The following PPARGC1B variants were observed in gnomAD, a reference collection of about 807,000 sequenced individuals.
The protein encoded by PPARGC1B is PPARG coactivator 1 beta, also known as peroxisome proliferator-activated receptor gamma coactivator 1-beta.
Under a neutral mutation model 101.6 loss-of-function variants are expected in PPARGC1B, and 34 were observed. The ratio of observed to expected loss-of-function variants is 0.33; its 90% CI spans 0.25 to 0.45. The LOEUF is 0.45. Among genes scored for constraint, PPARGC1B ranks in the 20% least tolerant of loss-of-function variants. The pLI is 1.00. For synonymous variants in PPARGC1B, 548 were observed against 539.3 expected (o/e 1.02, Z -0.22); for missense variants, 1,234 against 1,317.6 (o/e 0.94, Z 0.98).
intron 1 of PPARGC1B, among the ~76,000 whole-genome samples, chr5:149,791,025 A>T (rs1484307853): frequency 1.3e-5 from 2 of 151,882 alleles, no homozygotes; most frequent in African/African-American, 4.8e-5. Context: ...GTGGTGGTTC[A>T]CTCCTGTAAT....
rs1386815378 is a variant in PPARGC1B at position 149,851,469 on chromosome 5, T to G, written c.*3911T>G. 1 of 152,192 alleles carries G rather than the reference T, an allele frequency of 6.6e-6. No individual in the cohort carries two copies. Among genetic ancestry groups the G allele is most frequent in the Non-Finnish European group, 1.5e-5 (1 of 68,030 alleles). 9.4% of individuals were successfully genotyped at this position (152,192 alleles called of 1,614,324 possible). ...TTGATCTGACTCACTGATGTCAAAATTGCAGTATTTTTTTAGCATTTGAGA... is the reference window on the plus strand; with the variant it reads ...TTGATCTGACTCACTGATGTCAAAAGTGCAGTATTTTTTTAGCATTTGAGA... On this transcript the variant is annotated 3_prime_UTR_variant, in exon 12 of 12. Coordinates refer to ENST00000309241, the MANE Select transcript of PPARGC1B (RefSeq NM_133263.4).
intron 1 of PPARGC1B, among the ~76,000 whole-genome samples, chr5:149,772,956 C>G (rs568279890): frequency 1.4e-4 from 21 of 152,178 alleles, no homozygotes; most frequent in Middle Eastern, 3.4e-3. Context: ...GTGAACATAC[C>G]TGGTGCTTAA....
intron 1 of PPARGC1B, among the ~76,000 whole-genome samples, chr5:149,792,768 T>TTCAG (rs1237480049): frequency 8.1e-4 from 122 of 151,120 alleles, no homozygotes; most frequent in African/African-American, 2.7e-3. Flanking sequence ...CATTCATTCA[T>TTCAG]TCAGTCAGTC....
At chr5:149,794,241 ATGT>A (rs1027539848) in intron 1 of PPARGC1B, among the ~76,000 whole-genome samples, 1 of 152,172 alleles carries the variant, frequency 6.6e-6, no homozygotes, top group African/African-American at 2.4e-5. Context: ...CCAGCTGATG[ATGT>A]TGTCACCCCA....
chr5:149,751,482 G>C (rs971798676), intron 1 of PPARGC1B, among the ~76,000 whole-genome samples: 3 of 152,114 alleles, frequency 2.0e-5, no homozygotes, highest in Non-Finnish European at 4.4e-5. Flanking sequence ...AAGGCGGGCG[G>C]ATCACCTGAG....
intron 1 of PPARGC1B, among the ~76,000 whole-genome samples, chr5:149,784,987 A>G (rs1756748289): frequency 6.6e-6 from 1 of 152,312 alleles, no homozygotes; most frequent in Admixed American, 6.5e-5. Flanking sequence ...TCTCCAGCAC[A>G]AGATAGGTGC....
intron 1 of PPARGC1B, among the ~76,000 whole-genome samples, chr5:149,799,719 C>T (rs1354410822): frequency 8.8e-5 from 2 of 22,802 alleles, no homozygotes; most frequent in Non-Finnish European, 1.6e-4. Flanking sequence ...TTTTTTGAGA[C>T]GAAGTCTTGC....
Position 149,847,644 on chromosome 5 carries a change from T to C in PPARGC1B, c.*86T>C, listed in dbSNP as rs1264743055. 5.7e-6 allele frequency: 6 copies of C among 1,054,352 alleles called. No homozygotes were observed. Among genetic ancestry groups the C allele is most frequent in the Non-Finnish European group, 8.7e-6 (6 of 692,872 alleles). 65.3% of individuals were successfully genotyped at this position (1,054,352 alleles called of 1,614,324 possible). ...TACGTTTTCAAAGAAATCAAGTATA[T>C]GAGGAGAGCGAGCGAGCGTGAGAGA... On this transcript the variant is annotated 3_prime_UTR_variant, in exon 12 of 12. Coordinates refer to ENST00000309241, the MANE Select transcript of PPARGC1B (RefSeq NM_133263.4).
rs150331206 is a variant in PPARGC1B at position 149,832,875 on chromosome 5, C to G, written c.802C>G (p.Leu268Val). ...AGCTCCAGCCTCTCCCCGGGACTCC[C>G]TAGCTCTGGGCAGGGCAGACCCCGG... ...QPAPASPRDSLALGRADPGAP... is the reference protein window; with the variant it reads ...QPAPASPRDSVALGRADPGAP... The change falls in exon 5 of 12, where the codon CTA becomes GTA. Residue 268 changes from leucine (L) to valine (V), a missense_variant. By Grantham distance (32) the Leu-to-Val change is conservative (BLOSUM62 1). This residue lies in a region of PPARGC1B where 734 missense variants were observed against 768.4 expected (regional missense o/e 0.96). Coordinates refer to ENST00000309241, the MANE Select transcript of PPARGC1B (RefSeq NM_133263.4). The surrounding 1 kb of genome is among the most constrained non-coding windows in gnomAD (Gnocchi z 4.9). 6.2e-7 allele frequency: 1 copy of G among 1,612,728 alleles called. No individual in the cohort carries two copies. Among genetic ancestry groups the G allele is most frequent in the Non-Finnish European group, 8.5e-7 (1 of 1,179,706 alleles).
rs1581133748 is a variant in PPARGC1B, at chr5:149,851,815, C to T, written c.*4257C>T. The T allele has an allele frequency of 6.6e-6, 1 of 152,234 alleles. No individual in the cohort carries two copies. Among genetic ancestry groups the T allele is most frequent in the Non-Finnish European group, 1.5e-5 (1 of 68,062 alleles). The allele number at this position is 152,234 out of a possible 1,614,324, so 9.4% of individuals were successfully genotyped here. On this transcript the variant is annotated 3_prime_UTR_variant, in exon 12 of 12. Transcript: ENST00000309241. ...CATGGATGTGTCCTTGGCCCAGAAC[C>T]ACCATGGGATGGGGGAGGCCCTGAG...
intron 1 of PPARGC1B, among the ~76,000 whole-genome samples, chr5:149,818,225 C>T (rs1295220056): frequency 6.6e-6 from 1 of 152,222 alleles, no homozygotes; most frequent in Non-Finnish European, 1.5e-5. Context: ...GTGTTCTGCT[C>T]TTCTCTGGAG....
In PPARGC1B at chr5:149,854,556, A is replaced by G. The variant is rs1759892193; in HGVS notation, c.*6998A>G. On this transcript the variant is annotated 3_prime_UTR_variant, in exon 12 of 12. Coordinates refer to ENST00000309241, the MANE Select transcript of PPARGC1B (RefSeq NM_133263.4). Reference sequence around the variant, plus strand: ...TGAGAATCAAGTTTTTAGTTTTGCTATTTTTTTTAATTGGTAGAGGATTTT... The same window carrying G: ...TGAGAATCAAGTTTTTAGTTTTGCTGTTTTTTTTAATTGGTAGAGGATTTT... 1 of 151,588 alleles carries G rather than the reference A, an allele frequency of 6.6e-6. No homozygotes were observed. Among genetic ancestry groups the G allele is most frequent in the African/African-American group, 2.4e-5 (1 of 41,274 alleles). The allele number at this position is 151,588 out of a possible 1,614,324, so 9.4% of individuals were successfully genotyped here.
chr5:149,755,054 T>TATAC (rs1216289392), intron 1 of PPARGC1B, among the ~76,000 whole-genome samples: 8 of 81,822 alleles, frequency 9.8e-5, no homozygotes, highest in African/African-American at 3.4e-4. Flanking sequence ...TACATATACA[T>TATAC]ATATATATAT....
chr5:149,845,974 T>C (rs760688141), intron 11 of PPARGC1B, 60 bp downstream of exon 11: 3 of 1,605,440 alleles, frequency 1.9e-6, no homozygotes, highest in Non-Finnish European at 2.6e-6. Flanking sequence ...AGCAGTGCCT[T>C]CCTTGAACAA....
At chr5:149,783,091 A>AGAG (rs1581047998) in intron 1 of PPARGC1B, among the ~76,000 whole-genome samples, 3 of 149,930 alleles carry the variant, frequency 2.0e-5, no homozygotes, top group Non-Finnish European at 3.0e-5. Context: ...ATGAGAGATA[A>AGAG]AGAGAGAGAG....
At chr5:149,772,002 A>G (rs750541098) in intron 1 of PPARGC1B, 84 of 1,453,558 alleles carry the variant, frequency 5.8e-5, no homozygotes, top group Non-Finnish European at 6.9e-5. Context: ...ACTTACAGGC[A>G]GGAAGCAGGC....
At chr5:149,760,787 C>T (rs1389374686) in intron 1 of PPARGC1B, among the ~76,000 whole-genome samples, 1 of 152,150 alleles carries the variant, frequency 6.6e-6, no homozygotes, top group Non-Finnish European at 1.5e-5. Flanking sequence ...CTGGAATTTG[C>T]CCCAAGGTAT....
At chr5:149,771,522 G>A (rs1756131299) in intron 1 of PPARGC1B, among the ~76,000 whole-genome samples, 1 of 152,230 alleles carries the variant, frequency 6.6e-6, no homozygotes, top group African/African-American at 2.4e-5. Flanking sequence ...ATTCTAGTCA[G>A]GTGTGACAGC....
At chr5:149,776,221 A>G (rs1756356224) in intron 1 of PPARGC1B, among the ~76,000 whole-genome samples, 1 of 152,220 alleles carries the variant, frequency 6.6e-6, no homozygotes, top group Non-Finnish European at 1.5e-5. Flanking sequence ...TGGGAGTAGT[A>G]GGGGCTGAAC....
Sources: allele counts gnomAD v4.1 joint callset (sites outside exome capture counted in the v4.1 genomes callset), GRCh38; gene constraint gnomAD v4.1.1; regional missense constraint gnomAD v4.1.1; non-coding constraint Gnocchi (gnomAD v3.1); transcripts MANE v1.5; gene names NCBI Gene and HGNC (gene_info 2026-07-23, HGNC 2026-07-21).